Variants in TMEM245 observed in about 807,000 individuals in gnomAD.
TMEM245 encodes the protein transmembrane protein 245.
Under a neutral mutation model 101.2 loss-of-function variants are expected in TMEM245, and 69 were observed. That is an observed-to-expected ratio of 0.68 (90% CI 0.56 to 0.83). The LOEUF (loss-of-function observed/expected upper bound fraction) is 0.83, where lower values mean the gene tolerates loss of function less well. Ranked by LOEUF, TMEM245 falls within the 40% of genes least tolerant of loss-of-function variation. The pLI, the probability that TMEM245 is intolerant of heterozygous loss-of-function variation, is 0.00. For synonymous variants in TMEM245, 537 were observed against 449.8 expected (o/e 1.19, Z -2.45); for missense variants, 1,075 against 1,092.8 (o/e 0.98, Z 0.23).
At chr9:109,113,013 T>G (rs978403245) in intron 1 of TMEM245, among the ~76,000 whole-genome samples, 2 of 151,988 alleles carry the variant, frequency 1.3e-5, no homozygotes, top group African/African-American at 4.8e-5. Flanking sequence ...GAGGCAGAGG[T>G]TGCAGTGAGC....
At chr9:109,076,831 C>T (rs1431118136) in intron 8 of TMEM245, among the ~76,000 whole-genome samples, 1 of 152,110 alleles carries the variant, frequency 6.6e-6, no homozygotes, top group East Asian at 1.9e-4. Context: ...GCTGGGACTA[C>T]AGAAATGCAT....
At chr9:109,076,205 A>G (rs1022887128) in intron 8 of TMEM245, among the ~76,000 whole-genome samples, 6 of 151,874 alleles carry the variant, frequency 4.0e-5, no homozygotes, top group Non-Finnish European at 5.9e-5. Context: ...TGCAGCCATA[A>G]AAAAATGATG....
intron 15 of TMEM245, 112 bp from the exon 16 acceptor site, chr9:109,036,492 T>A: frequency 9.5e-7 from 1 of 1,053,602 alleles, no homozygotes; most frequent in Non-Finnish European, 1.3e-6. Flanking sequence ...ACAAGTTAAA[T>A]ACTCACAAAC....
intron 14 of TMEM245, among the ~76,000 whole-genome samples, chr9:109,041,539 T>C (rs1041086663): frequency 2.8e-5 from 4 of 143,204 alleles, no homozygotes; most frequent in Non-Finnish European, 6.0e-5. Flanking sequence ...TCTTGGCTCA[T>C]TGCAACCTCC....
chr9:109,107,557 G>A (rs1830461995), intron 2 of TMEM245, among the ~76,000 whole-genome samples: 1 of 151,984 alleles, frequency 6.6e-6, no homozygotes, highest in Non-Finnish European at 1.5e-5. Context: ...TGACATACGG[G>A]TTCTTGCAGA....
intron 11 of TMEM245, 145 bp from the exon 12 acceptor site, chr9:109,057,467 C>T: frequency 1.0e-6 from 1 of 979,724 alleles, no homozygotes; most frequent in Non-Finnish European, 1.4e-6. Context: ...AAGAAATCAG[C>T]TAAGGCCGGG....
chr9:109,025,800 A>C (rs1490329711), intron 17 of TMEM245, among the ~76,000 whole-genome samples: 2 of 152,212 alleles, frequency 1.3e-5, no homozygotes, highest in African/African-American at 4.8e-5. Context: ...AGAACAGAGG[A>C]AGTGAAAGGT....
chr9:109,019,706 A>G lies in TMEM245; in HGVS notation c.*754T>C, dbSNP rs550907387. ...ACCACCTGGAAGGAGAAAACCTAATAACAGCATGAATTTTATCATACTGTT... is the reference window on the plus strand; with the variant it reads ...ACCACCTGGAAGGAGAAAACCTAATGACAGCATGAATTTTATCATACTGTT... On this transcript the variant is annotated 3_prime_UTR_variant, in exon 18 of 18. Coordinates refer to ENST00000374586, the MANE Select transcript of TMEM245 (RefSeq NM_032012.4). 6.5e-6 allele frequency: 1 copy of G among 152,756 alleles called. No homozygotes were observed. The highest frequency in any genetic ancestry group is 2.4e-5 in the African/African-American group (1 of 41,592). 9.5% of individuals were successfully genotyped at this position (152,756 alleles called of 1,614,324 possible).
intron 10 of TMEM245, among the ~76,000 whole-genome samples, chr9:109,062,037 C>T (rs1422863878): frequency 6.6e-6 from 1 of 152,172 alleles, no homozygotes; most frequent in African/African-American, 2.4e-5. Context: ...CAGGGTCTCA[C>T]TCTGTCACCC....
chr9:109,028,989 G>A (rs1436556750), intron 17 of TMEM245, among the ~76,000 whole-genome samples: 1 of 152,132 alleles, frequency 6.6e-6, no homozygotes, highest in Non-Finnish European at 1.5e-5. Context: ...ACGTTAAGCT[G>A]CTAAATGTGT....
intron 1 of TMEM245, among the ~76,000 whole-genome samples, chr9:109,113,510 T>C (rs1321899689): frequency 6.6e-6 from 1 of 151,644 alleles, no homozygotes; most frequent in Non-Finnish European, 1.5e-5. Context: ...ATAGCACCAA[T>C]GTGCTAGACA....
chr9:109,119,928 A>G lies in TMEM245; in HGVS notation c.-15T>C, dbSNP rs199958972. ...CCGTCGGCCATCGTTCCTCCGCCAC[A>G]GCCGCCCCCGAGGGGCGGTAATGGG... On this transcript the variant is annotated 5_prime_UTR_variant, in exon 1 of 18. Transcript: ENST00000374586. The G allele has an allele frequency of 1.6e-3, 2,124 of 1,288,420 alleles. 31 individuals carry two copies. In the African/African-American group the frequency reaches 0.03, roughly 18 times the overall value. 79.8% of individuals were successfully genotyped at this position (1,288,420 alleles called of 1,614,324 possible).
chr9:109,086,110 A>T, intron 6 of TMEM245, 90 bp from the exon 7 acceptor site: 1 of 1,406,962 alleles, frequency 7.1e-7, no homozygotes, highest in East Asian at 2.3e-5. Context: ...AGAAAAGGAA[A>T]GCATGAGAAG....
chr9:109,092,290 T>C (rs1231897164), intron 4 of TMEM245, among the ~76,000 whole-genome samples: 2 of 150,604 alleles, frequency 1.3e-5, no homozygotes, highest in African/African-American at 2.5e-5. Context: ...TAAGCAATCA[T>C]ACAGTAGCCC....
chr9:109,093,524 G>T lies in TMEM245; in HGVS notation c.867C>A (p.Ile289=), dbSNP rs772636690. The part of the protein sequence containing the change: ...ASTLANLAIS[I]TGYESSSEDQ... ...CTTCACTGCTTGATTCATACCCTGT[G>T]ATAGAGATGGCCAAGTTTGCCAGAG... The change falls in exon 4 of 18, where the codon ATC becomes ATA. Residue 289 remains isoleucine (I), a synonymous_variant. Coordinates refer to ENST00000374586, the MANE Select transcript of TMEM245 (RefSeq NM_032012.4). 2 of 1,614,130 alleles carry T rather than the reference G, an allele frequency of 1.2e-6. No individual in the cohort carries two copies. Among genetic ancestry groups the T allele is most frequent in the Admixed American group, 1.7e-5 (1 of 60,018 alleles).
At chr9:109,034,745 C>T (rs1309883256) in intron 16 of TMEM245, among the ~76,000 whole-genome samples, 1 of 152,084 alleles carries the variant, frequency 6.6e-6, no homozygotes, top group Non-Finnish European at 1.5e-5. Context: ...TATGCTCAGC[C>T]TTAAAGCTTT....
chr9:109,058,557 T>C (rs192153250), intron 11 of TMEM245, among the ~76,000 whole-genome samples: 51 of 152,180 alleles, frequency 3.4e-4, no homozygotes, highest in Middle Eastern at 3.4e-3. Flanking sequence ...CATAGTGAGA[T>C]CCTATCTTTA....
At chr9:109,110,116 G>A (rs1830529302) in intron 1 of TMEM245, among the ~76,000 whole-genome samples, 1 of 152,132 alleles carries the variant, frequency 6.6e-6, no homozygotes, top group Non-Finnish European at 1.5e-5. Flanking sequence ...CATGGGAAGT[G>A]AGACTACAGC....
chr9:109,095,007 T>C (rs1310987333), intron 3 of TMEM245, among the ~76,000 whole-genome samples: 1 of 152,198 alleles, frequency 6.6e-6, no homozygotes, highest in Non-Finnish European at 1.5e-5. Context: ...CTTTGGTAGA[T>C]TCAGACATCA....
Sources: allele counts gnomAD v4.1 joint callset (sites outside exome capture counted in the v4.1 genomes callset), GRCh38; gene constraint gnomAD v4.1.1; transcripts MANE v1.5; gene names NCBI Gene and HGNC (gene_info 2026-07-23, HGNC 2026-07-21).